Variants in NCKAP5 observed in about 807,000 individuals in gnomAD.
NCKAP5 encodes nck-associated protein 5.
NCKAP5 carries 92 observed loss-of-function variants against 167.0 expected under a neutral mutation model. That is an observed-to-expected ratio of 0.55 (90% CI 0.47 to 0.66). The LOEUF (loss-of-function observed/expected upper bound fraction) is 0.66. NCKAP5 is among the 30% of genes least tolerant of loss of function. The pLI, the probability that NCKAP5 is intolerant of heterozygous loss-of-function variation, is 0.00. For missense variants in NCKAP5, 2,378 were observed against 2,315.0 expected (o/e 1.03, Z -0.56); for synonymous variants, 891 against 877.4 (o/e 1.02, Z -0.27).
At chr2:132,770,390 A>G (rs1244809050) in intron 16 of NCKAP5, among the ~76,000 whole-genome samples, 1 of 148,078 alleles carries the variant, frequency 6.8e-6, no homozygotes, top group African/African-American at 2.4e-5. Flanking sequence ...TATATATTAT[A>G]AATTGTATAT....
At chr2:133,200,969 T>C (rs2085659969) in intron 5 of NCKAP5, among the ~76,000 whole-genome samples, 1 of 152,200 alleles carries the variant, frequency 6.6e-6, no homozygotes, top group Non-Finnish European at 1.5e-5. Context: ...ATATACTATT[T>C]TTTTCTTATA....
chr2:133,012,525 G>A (rs936623205), intron 6 of NCKAP5, among the ~76,000 whole-genome samples: 2 of 152,204 alleles, frequency 1.3e-5, no homozygotes, highest in African/African-American at 4.8e-5. Context: ...TGGGATTACA[G>A]GCGTGTCAGA....
chr2:133,261,361 C>T (rs113327543), intron 4 of NCKAP5, among the ~76,000 whole-genome samples: 16 of 152,188 alleles, frequency 1.1e-4, no homozygotes, highest in South Asian at 4.1e-4. Flanking sequence ...TTAATAACAC[C>T]GCTATAACAC....
intron 1 of NCKAP5, among the ~76,000 whole-genome samples, chr2:133,560,992 C>T (rs958773450): frequency 1.3e-5 from 2 of 152,364 alleles, no homozygotes; most frequent in East Asian, 3.9e-4. Flanking sequence ...TAGGCCTCCA[C>T]AGCCCTGGTT....
At chr2:133,215,716 A>C (rs756802195) in intron 4 of NCKAP5, among the ~76,000 whole-genome samples, 1 of 152,212 alleles carries the variant, frequency 6.6e-6, no homozygotes, top group Non-Finnish European at 1.5e-5. Flanking sequence ...AAGCAAGTAC[A>C]AAATGTATAT....
intron 19 of NCKAP5, among the ~76,000 whole-genome samples, chr2:132,708,753 C>T (rs879054925): frequency 6.6e-6 from 1 of 152,140 alleles, no homozygotes; most frequent in African/African-American, 2.4e-5. Context: ...TACGTCTTTC[C>T]CCTTTTTCTA....
intron 5 of NCKAP5, among the ~76,000 whole-genome samples, chr2:133,192,508 C>T (rs569441891): frequency 2.0e-5 from 3 of 151,920 alleles, no homozygotes; most frequent in Admixed American, 6.6e-5. Context: ...ACATATACTA[C>T]CAAGGACTAG....
At chr2:132,768,422 G>C (rs1681709564) in intron 16 of NCKAP5, among the ~76,000 whole-genome samples, 1 of 152,056 alleles carries the variant, frequency 6.6e-6, no homozygotes, top group Non-Finnish European at 1.5e-5. Context: ...ACAATACATA[G>C]GGTAAATGCA....
chr2:132,735,296 G>A (rs912958851), intron 16 of NCKAP5, among the ~76,000 whole-genome samples: 4 of 152,130 alleles, frequency 2.6e-5, no homozygotes, highest in African/African-American at 4.8e-5. Flanking sequence ...TGTTTGAATC[G>A]GGGGTTATAT....
chr2:133,592,806 T>C, the NCKAP5 span, among the ~76,000 whole-genome samples: 1 of 152,258 alleles, frequency 6.6e-6, no homozygotes, highest in South Asian at 2.1e-4. Flanking sequence ...ATGAAAAGGG[T>C]TTTCATTTTT....
At chr2:133,631,350 G>A in the NCKAP5 span, among the ~76,000 whole-genome samples, 1 of 152,190 alleles carries the variant, frequency 6.6e-6, no homozygotes, top group Non-Finnish European at 1.5e-5. Flanking sequence ...TAAAGCAAGA[G>A]CAAATACGTA....
chr2:132,732,091 C>A (rs562044027), intron 16 of NCKAP5, 40 bp from the exon 17 acceptor site: 5 of 1,536,666 alleles, frequency 3.3e-6, no homozygotes, highest in Non-Finnish European at 4.4e-6. Flanking sequence ...ATAGAGAAGG[C>A]TCACATAAAA....
the NCKAP5 span, among the ~76,000 whole-genome samples, chr2:133,581,618 GA>G: frequency 1.3e-5 from 2 of 152,142 alleles, no homozygotes; most frequent in Non-Finnish European, 2.9e-5. Flanking sequence ...GAATGGGGCT[GA>G]ACCAAACACA....
intron 11 of NCKAP5, among the ~76,000 whole-genome samples, chr2:132,827,165 ATTT>A (rs1687183101): frequency 6.6e-6 from 1 of 152,206 alleles, no homozygotes; most frequent in African/African-American, 2.4e-5. Flanking sequence ...ATGACTGAGC[ATTT>A]ACTGTATGAC....
intron 12 of NCKAP5, among the ~76,000 whole-genome samples, chr2:132,791,093 A>G (rs568669719): frequency 1.1e-3 from 162 of 152,254 alleles, no homozygotes; most frequent in African/African-American, 3.8e-3. Context: ...GAAGACTTCT[A>G]ACTTCTGTGG....
At chr2:133,221,625 G>A (rs545070837) in intron 4 of NCKAP5, among the ~76,000 whole-genome samples, 10 of 152,268 alleles carry the variant, frequency 6.6e-5, no homozygotes, top group Non-Finnish European at 1.3e-4. Flanking sequence ...GTCATAAGAC[G>A]CAGTAAGTAC....
At chr2:133,404,400 T>A (rs1233052600) in intron 3 of NCKAP5, among the ~76,000 whole-genome samples, 2 of 152,208 alleles carry the variant, frequency 1.3e-5, no homozygotes, top group African/African-American at 4.8e-5. Context: ...CCTATATACA[T>A]TACTGTTTTT....
intron 6 of NCKAP5, among the ~76,000 whole-genome samples, chr2:133,095,500 AT>A (rs2081317327): frequency 6.6e-6 from 1 of 152,160 alleles, no homozygotes; most frequent in South Asian, 2.1e-4. Flanking sequence ...CCCTTTTGAG[AT>A]TGAAGAAGCA....
chr2:132,903,462 C>T (rs1046770601), intron 8 of NCKAP5, among the ~76,000 whole-genome samples: 2 of 152,138 alleles, frequency 1.3e-5, no homozygotes, highest in African/African-American at 2.4e-5. Flanking sequence ...GGCACAGGCC[C>T]GTGTCTGATA....
Sources: gnomAD v4.1 joint callset for allele counts (sites outside exome capture counted in the v4.1 genomes callset) on GRCh38, gnomAD v4.1.1 for gene constraint, MANE v1.5 for transcripts, NCBI Gene and HGNC (gene_info 2026-07-23, HGNC 2026-07-21) for gene names.